Variants in ERBB4 observed in about 807,000 individuals in gnomAD.
The protein encoded by ERBB4 is erb-b2 receptor tyrosine kinase 4, also known as receptor tyrosine-protein kinase erbB-4.
In ERBB4, 42 loss-of-function variants were observed where a neutral mutation model predicts 158.0. That is an observed-to-expected ratio of 0.27 (90% CI 0.21 to 0.34). The LOEUF is 0.34. ERBB4 is among the 10% of genes least tolerant of loss of function. The pLI is 1.00. For synonymous variants in ERBB4, 583 were observed against 558.7 expected (o/e 1.04, Z -0.61); for missense variants, 1,333 against 1,624.1 (o/e 0.82, Z 3.08).
At chr2:212,204,710 A>AAAC (rs1553595257) in intron 1 of ERBB4, among the ~76,000 whole-genome samples, 2 of 70,924 alleles carry the variant, frequency 2.8e-5, no homozygotes, top group African/African-American at 1.1e-4. Flanking sequence ...CAAAAAAAAC[A>AAAC]AAAAAAAAAA....
chr2:211,454,974 A>T (rs2064343287), intron 20 of ERBB4, among the ~76,000 whole-genome samples: 1 of 152,208 alleles, frequency 6.6e-6, no homozygotes, highest in African/African-American at 2.4e-5. Context: ...TCATTTTCCA[A>T]ATGAAACCCT....
At chr2:212,376,421 G>A (rs1446802429) in intron 1 of ERBB4, among the ~76,000 whole-genome samples, 1 of 152,014 alleles carries the variant, frequency 6.6e-6, no homozygotes, top group African/African-American at 2.4e-5. Context: ...TTTGCTTCTT[G>A]ACCTTCTACT....
chr2:211,395,703 T>C (rs1357137776), intron 25 of ERBB4, among the ~76,000 whole-genome samples: 3 of 152,072 alleles, frequency 2.0e-5, no homozygotes, highest in Admixed American at 1.3e-4. Context: ...CACATATTAA[T>C]TAACATATTA....
intron 2 of ERBB4, among the ~76,000 whole-genome samples, chr2:212,083,515 C>T (rs1161490622): frequency 4.0e-5 from 6 of 151,722 alleles, no homozygotes; most frequent in East Asian, 1.9e-4. Flanking sequence ...GCACCATAAA[C>T]GCAGGACAGT....
intron 1 of ERBB4, among the ~76,000 whole-genome samples, chr2:212,206,586 G>GTTTTTTTTTTTTTTTTT (rs1393759656): frequency 4.5e-5 from 3 of 66,760 alleles, no homozygotes; most frequent in African/African-American, 1.5e-4. Context: ...CGTCTGTTCT[G>GTTTTTTTTTTTTTTTTT]TTCTTTTTTT....
intron 2 of ERBB4, among the ~76,000 whole-genome samples, chr2:212,061,111 G>A (rs866685663): frequency 6.6e-6 from 1 of 151,876 alleles, no homozygotes; most frequent in Non-Finnish European, 1.5e-5. Flanking sequence ...GTATGGTGTC[G>A]AAGTTCCCAT....
intron 4 of ERBB4, among the ~76,000 whole-genome samples, chr2:211,774,020 C>T (rs193042291): frequency 3.3e-5 from 5 of 151,758 alleles, no homozygotes; most frequent in Admixed American, 2.6e-4. Context: ...TAAAATCTCA[C>T]TTGGACTAGT....
At chr2:212,068,779 C>G (rs2078019554) in intron 2 of ERBB4, among the ~76,000 whole-genome samples, 1 of 152,038 alleles carries the variant, frequency 6.6e-6, no homozygotes. Context: ...GAACTGTTGT[C>G]CAATTTTAGA....
rs1210122945 is a variant in ERBB4, at chr2:212,277,650, C to CA, written c.83-152748dup. 1.3e-5 allele frequency among the ~76,000 whole-genome samples: 2 copies of CA among 151,710 alleles called. 1 individual carries two copies. Among genetic ancestry groups the CA allele is most frequent in the Middle Eastern group, 6.3e-3 (2 of 316 alleles). Reference sequence around the variant, plus strand: ...ACAAAGTGTCCCCTGGCCACCTCATCAAAAAGACTTACCACTGTATTTAAC... The same window carrying CA: ...ACAAAGTGTCCCCTGGCCACCTCATCAAAAAAGACTTACCACTGTATTTAAC... On this transcript the variant is annotated intron_variant, in intron 1 of 27. Transcript: ENST00000342788.
chr2:212,440,209 AAG>A (rs2092224464), intron 1 of ERBB4, among the ~76,000 whole-genome samples: 1 of 152,194 alleles, frequency 6.6e-6, no homozygotes, highest in South Asian at 2.1e-4. Context: ...GTGTTGCCAA[AAG>A]AGGTTAACAT....
At chr2:211,494,282 C>T (rs1290411090) in intron 20 of ERBB4, among the ~76,000 whole-genome samples, 1 of 152,080 alleles carries the variant, frequency 6.6e-6, no homozygotes, top group Non-Finnish European at 1.5e-5. Context: ...AGATTATAGG[C>T]GTGAGCCACC....
chr2:211,692,464 T>A (rs75171576), intron 12 of ERBB4, among the ~76,000 whole-genome samples: 1 of 152,126 alleles, frequency 6.6e-6, no homozygotes, highest in East Asian at 1.9e-4. Flanking sequence ...ATTTAGTCTC[T>A]CATAGTTCTG....
At chr2:212,251,908 C>T (rs372684540) in intron 1 of ERBB4, among the ~76,000 whole-genome samples, 43 of 151,916 alleles carry the variant, frequency 2.8e-4, no homozygotes, top group African/African-American at 9.9e-4. Context: ...AGCTTTTATA[C>T]TGACAATGGA....
chr2:211,653,457 C>A (rs1468969640), intron 16 of ERBB4, among the ~76,000 whole-genome samples: 3 of 122,714 alleles, frequency 2.4e-5, no homozygotes, highest in South Asian at 3.2e-4. Context: ...TTTAAATCTT[C>A]CCCCCCGCCC....
At position 211,800,349 on chromosome 2, in the gene ERBB4, G is replaced by A. The variant is rs140389022; in HGVS notation, c.422-12190C>T. Reference sequence around the variant, plus strand: ...AGATGAAAAAACTGAGGTTTAGAGAGCTAAATAACTGGTAAGAGTTCGAAA... The same window carrying A: ...AGATGAAAAAACTGAGGTTTAGAGAACTAAATAACTGGTAAGAGTTCGAAA... On this transcript the variant is annotated intron_variant, in intron 3 of 27. Transcript: ENST00000342788. Among the ~76,000 whole-genome samples the A allele has an allele frequency of 1.4e-4, 22 of 152,204 alleles. No homozygotes were observed. In the East Asian group the frequency reaches 4.3e-3, roughly 29 times the overall value.
At chr2:212,059,334 A>G (rs1253713638) in intron 2 of ERBB4, among the ~76,000 whole-genome samples, 1 of 152,234 alleles carries the variant, frequency 6.6e-6, no homozygotes, top group African/African-American at 2.4e-5. Context: ...CATGGATAGG[A>G]AGAATCAATA....
chr2:211,655,424 T>G (rs903697494), intron 16 of ERBB4, among the ~76,000 whole-genome samples: 2 of 152,188 alleles, frequency 1.3e-5, no homozygotes, highest in Non-Finnish European at 2.9e-5. Flanking sequence ...TCTTACAATT[T>G]ATGAACTATA....
At chr2:212,118,865 TGA>T (rs2079653576) in intron 2 of ERBB4, among the ~76,000 whole-genome samples, 1 of 152,086 alleles carries the variant, frequency 6.6e-6, no homozygotes, top group Non-Finnish European at 1.5e-5. Context: ...ATTCATTATC[TGA>T]GAGAAGTTAT....
chr2:212,193,946 C>G (rs1380311570), intron 1 of ERBB4, among the ~76,000 whole-genome samples: 1 of 151,952 alleles, frequency 6.6e-6, no homozygotes, highest in Non-Finnish European at 1.5e-5. Context: ...ATTCTAGAGC[C>G]ACACCATTGT....
Sources: gnomAD v4.1 joint callset for allele counts (sites outside exome capture counted in the v4.1 genomes callset) on GRCh38, gnomAD v4.1.1 for gene constraint, MANE v1.5 for transcripts, NCBI Gene and HGNC (gene_info 2026-07-23, HGNC 2026-07-21) for gene names.